ALKBH3: variants seen among roughly 807,000 people sequenced by gnomAD.
The protein encoded by ALKBH3 is alkB homolog 3, alpha-ketoglutarate dependent dioxygenase.
A neutral mutation model predicts 43.9 loss-of-function variants in ALKBH3; 51 were observed. That is an observed-to-expected ratio of 1.16 (90% CI 0.93 to 1.47). The LOEUF (loss-of-function observed/expected upper bound fraction) is 1.47. Ranked by LOEUF, ALKBH3 falls within the 40% of genes most tolerant of loss-of-function variation. The pLI is 0.00. For synonymous variants in ALKBH3, 102 were observed against 115.2 expected (o/e 0.89, Z 0.73); for missense variants, 361 against 351.9 (o/e 1.03, Z -0.21).
At chr11:43,912,922 A>G (rs1565129933) in intron 8 of ALKBH3, among the ~76,000 whole-genome samples, 2 of 152,132 alleles carry the variant, frequency 1.3e-5, no homozygotes, top group African/African-American at 2.4e-5. Flanking sequence ...GCACAAGCCT[A>G]CTGGCTCTCC....
At chr11:43,898,317 G>T (rs1951834632) in intron 7 of ALKBH3, 2 of 721,164 alleles carry the variant, frequency 2.8e-6, no homozygotes, top group South Asian at 1.6e-5. Flanking sequence ...AAGCCAGAGA[G>T]ATCATTTGTC....
At chr11:43,898,692 G>A in intron 7 of ALKBH3, 1 of 717,114 alleles carries the variant, frequency 1.4e-6, no homozygotes, top group Non-Finnish European at 2.6e-6. Flanking sequence ...TCGAGGTGGT[G>A]AAGGCCAGTT....
intron 6 of ALKBH3, among the ~76,000 whole-genome samples, chr11:43,891,696 A>AGACC (rs1951784718): frequency 1.3e-5 from 2 of 152,182 alleles, no homozygotes; most frequent in African/African-American, 4.8e-5. Context: ...ACAGGGGTTC[A>AGACC]GTCTCCATAT....
chr11:43,914,637 A>G (rs1352663833), intron 8 of ALKBH3, among the ~76,000 whole-genome samples: 1 of 152,264 alleles, frequency 6.6e-6, no homozygotes, highest in Non-Finnish European at 1.5e-5. Context: ...CTTTCTAAGC[A>G]TAAAAATCAT....
chr11:43,882,437 G>T, intron 1 of ALKBH3, 146 bp from the exon 2 acceptor site: 1 of 433,218 alleles, frequency 2.3e-6, no homozygotes. Flanking sequence ...TAGGCTTCTT[G>T]AATGAAATGT....
At chr11:43,882,784 T>G in intron 2 of ALKBH3, 53 bp downstream of exon 2, 1 of 1,516,868 alleles carries the variant, frequency 6.6e-7, no homozygotes, top group Non-Finnish European at 8.9e-7. Context: ...ACTCTCATTC[T>G]CTTTTATTTA....
chr11:43,912,406 C>G (rs889431158), intron 8 of ALKBH3: 1 of 152,176 alleles, frequency 6.6e-6, no homozygotes, highest in African/African-American at 2.4e-5. Context: ...AAAGGGCCCC[C>G]TATAGCGTGA....
intron 8 of ALKBH3, among the ~76,000 whole-genome samples, chr11:43,907,944 G>A (rs1478324814): frequency 1.3e-5 from 2 of 152,192 alleles, no homozygotes; most frequent in East Asian, 1.9e-4. Flanking sequence ...GAAACAAGGA[G>A]GCCAATTAGG....
intron 8 of ALKBH3, among the ~76,000 whole-genome samples, chr11:43,914,902 GA>G (rs1291752491): frequency 9.6e-5 from 14 of 146,034 alleles, no homozygotes; most frequent in South Asian, 2.2e-4. Context: ...CAAACAGAAT[GA>G]AAAAAAAAAA....
intron 7 of ALKBH3, chr11:43,898,289 G>T (rs1287450268): frequency 1.6e-5 from 12 of 739,922 alleles, no homozygotes; most frequent in Non-Finnish European, 2.9e-5. Flanking sequence ...CTATGTGCAT[G>T]GGATTTTAAT....
chr11:43,901,971 A>G (rs1951867018), intron 8 of ALKBH3, among the ~76,000 whole-genome samples: 1 of 152,164 alleles, frequency 6.6e-6, no homozygotes, highest in South Asian at 2.1e-4. Context: ...CATTGATGAT[A>G]AACTCCCTGT....
intron 5 of ALKBH3, among the ~76,000 whole-genome samples, chr11:43,888,796 G>A (rs1951763146): frequency 6.6e-6 from 1 of 152,218 alleles, no homozygotes; most frequent in African/African-American, 2.4e-5. Flanking sequence ...GGCAGTTTAA[G>A]AGAATCTTCC....
intron 1 of ALKBH3, among the ~76,000 whole-genome samples, chr11:43,882,320 A>G (rs1025946515): frequency 3.9e-5 from 6 of 152,246 alleles, no homozygotes; most frequent in Non-Finnish European, 7.3e-5. Context: ...GGTTTATAAT[A>G]GGTCCTAATT....
At chr11:43,889,564 T>C (rs1427512204) in intron 5 of ALKBH3, among the ~76,000 whole-genome samples, 161 bp from the exon 6 acceptor site, 3 of 152,248 alleles carry the variant, frequency 2.0e-5, no homozygotes, top group Non-Finnish European at 2.9e-5. Flanking sequence ...TGGAGCCTCA[T>C]GACCTGGGTG....
chr11:43,914,270 G>T (rs986842309), intron 8 of ALKBH3, among the ~76,000 whole-genome samples: 17 of 152,186 alleles, frequency 1.1e-4, no homozygotes, highest in African/African-American at 4.1e-4. Flanking sequence ...TTGCCTTAGA[G>T]AAATATTTTC....
intron 8 of ALKBH3, among the ~76,000 whole-genome samples, chr11:43,913,341 C>A (rs1951956519): frequency 6.6e-6 from 1 of 152,008 alleles, no homozygotes; most frequent in South Asian, 2.1e-4. Flanking sequence ...TCCGTCCTCA[C>A]CCCCGTCCCG....
intron 4 of ALKBH3, 99 bp from the exon 5 acceptor site, chr11:43,886,507 T>C (rs1244939147): frequency 1.4e-5 from 17 of 1,173,644 alleles, no homozygotes; most frequent in Middle Eastern, 2.0e-4. Flanking sequence ...ATGACTTTGG[T>C]GAGCCAGGAC....
intron 2 of ALKBH3, 34 bp downstream of exon 2, chr11:43,882,765 A>G (rs1181077437): frequency 6.3e-7 from 1 of 1,575,254 alleles, no homozygotes; most frequent in Non-Finnish European, 8.6e-7. Context: ...GTGTGTGTGG[A>G]TATGGACAAC....
At chr11:43,891,654 C>G (rs1157951601) in intron 6 of ALKBH3, among the ~76,000 whole-genome samples, 1 of 152,078 alleles carries the variant, frequency 6.6e-6, no homozygotes, top group African/African-American at 2.4e-5. Flanking sequence ...TCTTGTTTCT[C>G]ACATGGATGT....
Sources: allele counts gnomAD v4.1 joint callset (sites outside exome capture counted in the v4.1 genomes callset), GRCh38; gene constraint gnomAD v4.1.1; transcripts MANE v1.5; gene names NCBI Gene and HGNC (gene_info 2026-07-23, HGNC 2026-07-21).